The following GPR26 variants were observed in gnomAD, a reference collection of about 807,000 sequenced individuals.
The protein encoded by GPR26 is G protein-coupled receptor 26.
A neutral mutation model predicts 23.1 loss-of-function variants in GPR26; 15 were observed. That is an observed-to-expected ratio of 0.65 (90% CI 0.43 to 1.00). GPR26 has a LOEUF of 1.00. Ranked by LOEUF, GPR26 falls within the 50% of genes least tolerant of loss-of-function variation. The probability of loss-of-function intolerance (pLI) is 0.00; values close to 1 mark genes in which losing one functional copy is unlikely to be tolerated. For missense variants in GPR26, 359 were observed against 470.5 expected (o/e 0.76, Z 2.19); for synonymous variants, 228 against 222.1 (o/e 1.03, Z -0.24).
rs1351828312 is a variant in GPR26, at chr10:123,674,372, G to T, written c.669-446G>T. 2.0e-5 allele frequency among the ~76,000 whole-genome samples: 3 copies of T among 152,242 alleles called. No homozygotes were observed. The highest frequency in any genetic ancestry group is 4.4e-5 in the Non-Finnish European group (3 of 68,048). On this transcript the variant is annotated intron_variant, in intron 1 of 2. Coordinates refer to ENST00000284674, the MANE Select transcript of GPR26 (RefSeq NM_153442.4). This position sits in a 1 kb window ranked among gnomAD's most constrained non-coding sequence, Gnocchi z 4.1. Reference sequence around the variant, plus strand: ...AAGAATCTGAGATACTACTTAGAGAGTGGGGCACTCTGGAGCCAGCCCATA... The same window carrying T: ...AAGAATCTGAGATACTACTTAGAGATTGGGGCACTCTGGAGCCAGCCCATA...
At chr10:123,677,831 G>A (rs1484886106) in intron 2 of GPR26, among the ~76,000 whole-genome samples, 1 of 152,190 alleles carries the variant, frequency 6.6e-6, no homozygotes, top group Admixed American at 6.5e-5. Context: ...TCCAGCACGG[G>A]GGCCACCAGC....
Position 123,688,992 on chromosome 10 carries a change from T to A in GPR26, c.*832T>A, listed in dbSNP as rs893998174. 3 of 152,212 alleles carry A rather than the reference T, an allele frequency of 2.0e-5. No individual in the cohort carries two copies. The South Asian group carries it at 6.2e-4, about 32-fold the overall frequency. The allele number at this position is 152,212 out of a possible 1,614,324, so 9.4% of individuals were successfully genotyped here. A position where few individuals can be genotyped will look rare whatever the true frequency, so the allele number is the denominator to read the frequency against. The stretch of plus-strand genomic sequence containing the variant: ...TCAGTAAAGGTAGGAGGAAGGTGGC[T>A]GGTTGGTCCTCCCTTCCCCCTGTTT... On this transcript the variant is annotated 3_prime_UTR_variant, in exon 3 of 3. Transcript: ENST00000284674.
chr10:123,678,589 C>G (rs74161051), intron 2 of GPR26, among the ~76,000 whole-genome samples: 2,165 of 152,246 alleles, frequency 0.014, 47 homozygotes, highest in African/African-American at 0.049. Context: ...GCAATCACAC[C>G]CCTCTTGGAG....
chr10:123,687,868 A>G, intron 2 of GPR26, 61 bp from the exon 3 acceptor site: 1 of 1,204,150 alleles, frequency 8.3e-7, no homozygotes, highest in Non-Finnish European at 1.2e-6. Flanking sequence ...GCCCTGGCCC[A>G]TGGCCACTCC....
At chr10:123,670,155 C>T (rs1471532627) in intron 1 of GPR26, among the ~76,000 whole-genome samples, 2 of 152,166 alleles carry the variant, frequency 1.3e-5, no homozygotes, top group Non-Finnish European at 2.9e-5. Context: ...TGAGGCTGCC[C>T]CAGGCTCTGC....
chr10:123,681,012 T>C (rs1845368929), intron 2 of GPR26, among the ~76,000 whole-genome samples: 1 of 152,024 alleles, frequency 6.6e-6, no homozygotes, highest in Admixed American at 6.6e-5. Flanking sequence ...GTGATTCTGA[T>C]ATTTTTAGTA....
Position 123,670,684 on chromosome 10 carries a change from G to A in GPR26, c.668+3609G>A, listed in dbSNP as rs969907437. ...GAGGGGCCTCCCTTGCACACTGCAC[G>A]TTGCACACCCATATTCCATGCACGT... is the stretch of plus-strand genomic sequence containing the variant. On this transcript the variant is annotated intron_variant, in intron 1 of 2. Coordinates refer to ENST00000284674, the MANE Select transcript of GPR26 (RefSeq NM_153442.4). Among the ~76,000 whole-genome samples the A allele has an allele frequency of 9.2e-5, 14 of 152,236 alleles. No individual in the cohort carries two copies. The East Asian group carries it at 1.7e-3, about 19-fold the overall frequency.
rs1845482949 is a variant in GPR26, at chr10:123,690,701, C to T, written c.*2541C>T. The T allele has an allele frequency of 6.6e-6, 1 of 152,166 alleles. No individual in the cohort carries two copies. The highest frequency in any genetic ancestry group is 1.5e-5 in the Non-Finnish European group (1 of 68,040). 9.4% of individuals were successfully genotyped at this position (152,166 alleles called of 1,614,324 possible). ...GAGAAGAAAATTAATGTATTAGCAA[C>T]CAGTGTTAGCCAACTCTGCTGTAAT... On this transcript the variant is annotated 3_prime_UTR_variant, in exon 3 of 3. Coordinates refer to ENST00000284674, the MANE Select transcript of GPR26 (RefSeq NM_153442.4).
rs1361610841 is a variant in GPR26, at chr10:123,669,163, C to T, written c.668+2088C>T. Among the ~76,000 whole-genome samples, 4 of 152,364 alleles carry T rather than the reference C, an allele frequency of 2.6e-5. No homozygotes were observed. In the East Asian group the frequency reaches 7.7e-4, roughly 29 times the overall value. On this transcript the variant is annotated intron_variant, in intron 1 of 2. Coordinates refer to ENST00000284674, the MANE Select transcript of GPR26 (RefSeq NM_153442.4). Reference sequence around the variant, plus strand: ...GTCTCATTGGAGAGAGAAAAGACTTCTGGGGCCGGGGTTGCCATCGGCCAG... The same window carrying T: ...GTCTCATTGGAGAGAGAAAAGACTTTTGGGGCCGGGGTTGCCATCGGCCAG...
At chr10:123,671,958 G>A (rs182815569) in intron 1 of GPR26, among the ~76,000 whole-genome samples, 12 of 152,234 alleles carry the variant, frequency 7.9e-5, no homozygotes, top group Non-Finnish European at 1.5e-4. Flanking sequence ...TTCTGGGAGC[G>A]GGTGAGCTGT....
intron 2 of GPR26, among the ~76,000 whole-genome samples, chr10:123,680,523 C>T: frequency 6.6e-6 from 1 of 152,224 alleles, no homozygotes; most frequent in East Asian, 1.9e-4. Flanking sequence ...CACTGGGCAG[C>T]TCCAGGGCCC....
At chr10:123,677,236 T>G (rs1255076010) in intron 2 of GPR26, among the ~76,000 whole-genome samples, 1 of 152,140 alleles carries the variant, frequency 6.6e-6, no homozygotes, top group Non-Finnish European at 1.5e-5. Context: ...AAGTAACGTT[T>G]CAGTAAAATG....
Position 123,666,605 on chromosome 10 carries a change from C to A in GPR26, c.198C>A (p.Gly66=). The change falls in exon 1 of 3, where the codon GGC becomes GGA. Residue 66 remains glycine (G), a synonymous_variant. Transcript: ENST00000284674. ...TVVNMPLTLA[G]VVAQRQPAGD... The stretch of plus-strand genomic sequence containing the variant: ...TCAACATGCCGCTCACGCTGGCCGG[C>A]GTCGTGGCGCAGCGGCAGCCGGCGG... 1.3e-6 allele frequency: 2 copies of A among 1,591,408 alleles called. No individual in the cohort carries two copies. Among genetic ancestry groups the A allele is most frequent in the South Asian group, 1.1e-5 (1 of 88,718 alleles).
intron 2 of GPR26, among the ~76,000 whole-genome samples, chr10:123,678,050 G>A (rs962354569): frequency 3.9e-5 from 6 of 152,214 alleles, no homozygotes; most frequent in Admixed American, 6.5e-5. Context: ...TTTGAGACCA[G>A]TCAGGGCAAC....
Position 123,688,014 on chromosome 10 carries a change from G to A in GPR26, c.868G>A (p.Asp290Asn), listed in dbSNP as rs1240189249. Residue 290 changes from aspartate (D) to asparagine (N), a missense_variant, in exon 3 of 3, where the codon GAC (aspartate) becomes AAC (asparagine). Asp to Asn is a conservative substitution (Grantham distance 23, BLOSUM62 1). Coordinates refer to ENST00000284674, the MANE Select transcript of GPR26 (RefSeq NM_153442.4). ...CTTGGCGTACAGCAAGGCCGCATCC[G>A]ACCCCTTTGTGTACTCCTTACTGCG... ...KCLAYSKAAS[D>N]PFVYSLLRHQ... 3.7e-6 allele frequency: 6 copies of A among 1,613,878 alleles called. No homozygotes were observed. The highest frequency in any genetic ancestry group is 5.1e-6 in the Non-Finnish European group (6 of 1,179,950).
intron 1 of GPR26, 62 bp downstream of exon 1, chr10:123,667,137 G>A: frequency 8.1e-7 from 1 of 1,240,036 alleles, no homozygotes. Flanking sequence ...GGAGTGGGAG[G>A]TCCCTAGCCC....
rs531641966 is a variant in GPR26, at chr10:123,687,346, C to T, written c.783-583C>T. ...TTCCTTAGGAACACAGAGCCAGGAT[C>T]GGAAGCAAACAATGGGACCAGACTC... On this transcript the variant is annotated intron_variant, in intron 2 of 2. Transcript: ENST00000284674. 1.3e-4 allele frequency among the ~76,000 whole-genome samples: 20 copies of T among 152,322 alleles called. No homozygotes were observed. In the South Asian group the frequency reaches 3.5e-3, roughly 27 times the overall value.
At chr10:123,673,404 T>C (rs1206484502) in intron 1 of GPR26, among the ~76,000 whole-genome samples, 1 of 152,196 alleles carries the variant, frequency 6.6e-6, no homozygotes, top group African/African-American at 2.4e-5. Context: ...ACAGACTGCC[T>C]ATTTTTGGAG....
At position 123,690,656 on chromosome 10, in the gene GPR26, A is replaced by G. The variant is rs1845482428; in HGVS notation, c.*2496A>G. On this transcript the variant is annotated 3_prime_UTR_variant, in exon 3 of 3. Transcript: ENST00000284674. ...TTTTCATTATTATTTGGACACATGA[A>G]TTAAATCCCAAGGGAAAGTGAGAAG... 1 of 152,246 alleles carries G rather than the reference A, an allele frequency of 6.6e-6. No individual in the cohort carries two copies. Among genetic ancestry groups the G allele is most frequent in the Non-Finnish European group, 1.5e-5 (1 of 68,038 alleles). The allele number at this position is 152,246 out of a possible 1,614,324, so 9.4% of individuals were successfully genotyped here.
Sources: gnomAD v4.1 joint callset for allele counts (sites outside exome capture counted in the v4.1 genomes callset) on GRCh38, gnomAD v4.1.1 for gene constraint, Gnocchi (gnomAD v3.1) non-coding constraint, MANE v1.5 for transcripts, NCBI Gene and HGNC (gene_info 2026-07-23, HGNC 2026-07-21) for gene names.